Variants in MED13 observed in about 807,000 individuals in gnomAD.
The protein encoded by MED13 is mediator of RNA polymerase II transcription subunit 13.
MED13 carries 23 observed loss-of-function variants against 225.2 expected under a neutral mutation model. That is an observed-to-expected ratio of 0.10 (90% confidence interval 0.07 to 0.14). MED13 has a LOEUF of 0.14. MED13 is among the 10% of genes least tolerant of loss of function. The pLI, the probability that MED13 is intolerant of heterozygous loss-of-function variation, is 1.00. For missense variants in MED13, 2,197 were observed against 2,594.5 expected (o/e 0.85, Z 3.33); for synonymous variants, 942 against 889.2 (o/e 1.06, Z -1.06).
At chr17:61,961,434 C>T (rs764955490) in intron 22 of MED13, among the ~76,000 whole-genome samples, 154 bp downstream of exon 22, 4 of 148,362 alleles carry the variant, frequency 2.7e-5, no homozygotes, top group African/African-American at 7.5e-5. Context: ...GCAGGAGAAT[C>T]GCTTGAACCC....
At chr17:61,961,546 T>C (rs1173005257) in intron 22 of MED13, 42 bp downstream of exon 22, 4 of 1,368,636 alleles carry the variant, frequency 2.9e-6, no homozygotes, top group African/African-American at 1.5e-5. Context: ...AAAAAAGGTA[T>C]GTATAGTCAT....
At chr17:62,004,584 A>G (rs1603400656) in intron 9 of MED13, 1 of 152,040 alleles carries the variant, frequency 6.6e-6, no homozygotes, top group African/African-American at 2.4e-5. Flanking sequence ...TCAGGAGACA[A>G]GTAGGATACC....
chr17:61,987,123 G>A lies in MED13; in HGVS notation c.2269C>T (p.Pro757Ser), dbSNP rs775034964. 1.3e-6 allele frequency: 2 copies of A among 1,594,134 alleles called. No homozygotes were observed. The highest frequency in any genetic ancestry group is 1.7e-6 in the Non-Finnish European group (2 of 1,172,534). The change falls in exon 12 of 30, where the codon CCA becomes TCA. Residue 757 changes from proline to serine, a missense_variant. Pro to Ser is a moderately conservative substitution (Grantham distance 74, BLOSUM62 -1). Coordinates refer to ENST00000397786, the MANE Select transcript of MED13 (RefSeq NM_005121.3). The stretch of plus-strand genomic sequence containing the variant: ...GGACGGGCATGACTAGTAGGGCGTG[G>A]AGCATCTACAAAAGTCAATCAGAAA... ...LFSPSIKQDA[P>S]RPTSHARPPS...
At chr17:62,057,073 C>CA (rs965556194) in intron 2 of MED13, among the ~76,000 whole-genome samples, 3 of 151,898 alleles carry the variant, frequency 2.0e-5, no homozygotes, top group Admixed American at 6.6e-5. Flanking sequence ...ACATTTTTCT[C>CA]AAAAAAATGG....
chr17:61,949,087 CAAA>C (rs879385487), intron 28 of MED13, among the ~76,000 whole-genome samples: 1 of 111,462 alleles, frequency 9.0e-6, no homozygotes. Context: ...GACTCCGTCT[CAAA>C]AAAAAAAAAA....
chr17:61,995,899 C>A (rs2080342833), intron 9 of MED13, among the ~76,000 whole-genome samples: 1 of 151,970 alleles, frequency 6.6e-6, no homozygotes, highest in South Asian at 2.1e-4. Flanking sequence ...ACTATTAATT[C>A]TGGCAAGATG....
At chr17:62,015,274 C>A (rs2143608733) in intron 8 of MED13, among the ~76,000 whole-genome samples, 1 of 152,252 alleles carries the variant, frequency 6.6e-6, no homozygotes, top group East Asian at 1.9e-4. Flanking sequence ...TACTGAAGTA[C>A]TGCAGAAGTG....
rs768179807 is a variant in MED13 at position 61,966,629 on chromosome 17, C to G, written c.4214G>C (p.Arg1405Thr). 1 of 1,603,966 alleles carries G rather than the reference C, an allele frequency of 6.2e-7. No individual in the cohort carries two copies. The highest frequency in any genetic ancestry group is 2.2e-5 in the East Asian group (1 of 44,460). The change falls in exon 19 of 30, where the codon AGA becomes ACA. Residue 1405 changes from arginine to threonine, a missense_variant. Coordinates refer to ENST00000397786, the MANE Select transcript of MED13 (RefSeq NM_005121.3). ...ATCTGTTAACAGTCGAGAAACAGGT[C>G]TATGTTGACCTAATCGACAGGACTA... The part of the protein sequence containing the change: ...IYESCRLGQH[R>T]PVSRLLTDGI...
intron 3 of MED13, among the ~76,000 whole-genome samples, chr17:62,042,583 A>C (rs1018202848): frequency 6.7e-6 from 1 of 148,592 alleles, no homozygotes; most frequent in East Asian, 2.0e-4. Flanking sequence ...AAAAAAAACC[A>C]AAAAAACCCC....
chr17:61,955,275 A>G (rs533479646), intron 26 of MED13, 107 bp downstream of exon 26: 3 of 969,692 alleles, frequency 3.1e-6, no homozygotes, highest in South Asian at 4.6e-5. Context: ...ACATCTGCAA[A>G]ATCATTTTTT....
At chr17:62,034,069 G>C (rs879298722) in intron 4 of MED13, 85 bp from the exon 5 acceptor site, 2 of 1,182,252 alleles carry the variant, frequency 1.7e-6, no homozygotes, top group African/African-American at 3.1e-5. Flanking sequence ...GCAAATAATC[G>C]TGCAATTATA....
At chr17:62,049,311 T>C (rs2080933183) in intron 3 of MED13, among the ~76,000 whole-genome samples, 1 of 152,186 alleles carries the variant, frequency 6.6e-6, no homozygotes, top group Non-Finnish European at 1.5e-5. Flanking sequence ...TTTATACTTC[T>C]AATAGATAGT....
In MED13 at chr17:61,965,577, T is replaced by C. The variant is rs2080050769; in HGVS notation, c.4382-109A>G. ...AATCCAGTTGATGTTTTCTTGGTAA[T>C]TATAGCCCCGAAATTGCTTGCTAAT... is the stretch of plus-strand genomic sequence containing the variant. On this transcript the variant is annotated intron_variant, in intron 19 of 29. Coordinates refer to ENST00000397786, the MANE Select transcript of MED13 (RefSeq NM_005121.3). The C allele has an allele frequency of 3.5e-6, 4 of 1,143,080 alleles. No homozygotes were observed. In the African/African-American group the frequency reaches 4.7e-5, roughly 13 times the overall value. 70.8% of individuals were successfully genotyped at this position (1,143,080 alleles called of 1,614,324 possible).
chr17:61,982,106 G>T, intron 16 of MED13, 92 bp downstream of exon 16: 1 of 1,226,732 alleles, frequency 8.2e-7, no homozygotes. Flanking sequence ...AAATGTATTT[G>T]CCACATGGGA....
At chr17:62,029,446 G>A (rs1567988360) in intron 8 of MED13, 95 bp downstream of exon 8, 1 of 875,806 alleles carries the variant, frequency 1.1e-6, no homozygotes. Flanking sequence ...CCTGACATAT[G>A]TTCATGTAAG....
intron 9 of MED13, among the ~76,000 whole-genome samples, chr17:61,996,289 A>C (rs1036142042): frequency 1.3e-5 from 2 of 152,208 alleles, no homozygotes; most frequent in African/African-American, 4.8e-5. Context: ...TTTGCATAAG[A>C]CATGTTTAGA....
rs1230248036 is a variant in MED13, at chr17:62,015,915, C to CACACATAT, written c.1284-4683_1284-4682insATATGTGT. On this transcript the variant is annotated intron_variant, in intron 8 of 29. Transcript: ENST00000397786. ...CACACACACACATACACACTATACA[C>CACACATAT]ATATATATATATATATATATATATA... 1.4e-3 allele frequency among the ~76,000 whole-genome samples: 12 copies of CACACATAT among 8,610 alleles called. No homozygotes were observed. In the South Asian group the frequency reaches 0.02, roughly 14 times the overall value. 5.6% of individuals were successfully genotyped at this position (8,610 alleles called of 152,430 possible). A position where few individuals can be genotyped will look rare whatever the true frequency, so the allele number is the denominator to read the frequency against.
chr17:62,005,601 G>A (rs1354349534), intron 9 of MED13: 1 of 151,890 alleles, frequency 6.6e-6, no homozygotes, highest in Non-Finnish European at 1.5e-5. Flanking sequence ...GTAAGACTCT[G>A]TCTCAAAATA....
intron 3 of MED13, among the ~76,000 whole-genome samples, chr17:62,038,433 A>T (rs535703854): frequency 4.6e-5 from 7 of 152,170 alleles, no homozygotes; most frequent in Non-Finnish European, 8.8e-5. Context: ...ATTTTAAAAT[A>T]ATTTTAAAAA....
Sources: allele counts gnomAD v4.1 joint callset (sites outside exome capture counted in the v4.1 genomes callset), GRCh38; gene constraint gnomAD v4.1.1; transcripts MANE v1.5; gene names NCBI Gene and HGNC (gene_info 2026-07-23, HGNC 2026-07-21).